Variants in ERICH1 observed in about 807,000 individuals in gnomAD.
ERICH1 encodes the protein glutamate-rich protein 1.
A neutral mutation model predicts 39.6 loss-of-function variants in ERICH1; 56 were observed. The ratio of observed to expected loss-of-function variants is 1.41; its 90% CI spans 1.14 to 1.77. The LOEUF is 1.77. Among genes scored for constraint, ERICH1 ranks in the 40% most tolerant of loss-of-function variants. The pLI, the probability that ERICH1 is intolerant of heterozygous loss-of-function variation, is 0.00. For missense variants in ERICH1, 826 were observed against 575.4 expected (o/e 1.44, Z -4.45); for synonymous variants, 313 against 223.6 (o/e 1.40, Z -3.57).
chr8:622,956 C>CAATAAATAAATAAATA (rs71202635), intron 3 of ERICH1, among the ~76,000 whole-genome samples: 18,093 of 143,632 alleles, frequency 0.13, 1,514 homozygotes, highest in East Asian at 0.41. Flanking sequence ...GATCCGCTCT[C>CAATAAATAAATAAATA]AATAAATAAA....
At chr8:663,084 G>A (rs569953884), downstream of ERICH1, among the ~76,000 whole-genome samples, 10 of 152,346 alleles carry the variant, frequency 6.6e-5, no homozygotes, top group East Asian at 1.5e-3. Flanking sequence ...GCATCAAGAC[G>A]GGGACACTGC....
chr8:678,836 TTACA>T (rs1300599446), intron 3 of ERICH1, among the ~76,000 whole-genome samples: 1 of 152,194 alleles, frequency 6.6e-6, no homozygotes, highest in East Asian at 1.9e-4. Flanking sequence ...AACACATGTC[TTACA>T]TACCCGTTTC....
intron 3 of ERICH1, among the ~76,000 whole-genome samples, chr8:636,087 G>C (rs527413151): frequency 6.6e-6 from 1 of 152,378 alleles, no homozygotes; most frequent in East Asian, 1.9e-4. Context: ...CTGGGATCCT[G>C]TTAATAGCAT....
chr8:686,532 CCA>C (rs1267633604), intron 3 of ERICH1: 1 of 152,216 alleles, frequency 6.6e-6, no homozygotes, highest in Non-Finnish European at 1.5e-5. Context: ...CACCCGGCAC[CCA>C]CAGTCTTTAA....
intron 2 of ERICH1, among the ~76,000 whole-genome samples, chr8:697,543 GCCTC>G (rs1299230323): frequency 6.6e-6 from 1 of 152,164 alleles, no homozygotes; most frequent in African/African-American, 2.4e-5. Flanking sequence ...CCCTCCTCCT[GCCTC>G]CCTGTCAAAT....
intron 3 of ERICH1, among the ~76,000 whole-genome samples, chr8:638,953 G>A (rs148983330): frequency 6.6e-6 from 1 of 152,024 alleles, no homozygotes; most frequent in Non-Finnish European, 1.5e-5. Flanking sequence ...ACCCATAAAC[G>A]CCTATCTTTC....
Position 668,786 on chromosome 8 carries a change from G to C in ERICH1, c.1070C>G (p.Ser357Cys). ...GAGGGCAGCTGAAGCTGCATCTCTG[G>C]AGACACCTACATAAAGTCAGTTTTG... ...TQEMYFYDGV[S>C]RDAASAALAD... The change falls in exon 5 of 6, where the codon TCC becomes TGC. Residue 357 changes from serine to cysteine, a missense_variant. Transcript: ENST00000262109. The C allele has an allele frequency of 1.2e-6, 2 of 1,603,618 alleles. No homozygotes were observed. The highest frequency in any genetic ancestry group is 1.7e-6 in the Non-Finnish European group (2 of 1,175,044).
chr8:653,429 T>A (rs1251577078), intron 3 of ERICH1, among the ~76,000 whole-genome samples: 2 of 152,268 alleles, frequency 1.3e-5, no homozygotes, highest in East Asian at 1.9e-4. Context: ...GACTGCCGAG[T>A]GTTCAAACTG....
chr8:660,557 G>T (rs1563199755), downstream of ERICH1, among the ~76,000 whole-genome samples: 1 of 152,218 alleles, frequency 6.6e-6, no homozygotes, highest in South Asian at 2.1e-4. Context: ...TCCCAGCCCG[G>T]GCTGTACTGA....
chr8:671,947 C>G (rs1350316808), intron 4 of ERICH1: 2 of 158,860 alleles, frequency 1.3e-5, no homozygotes, highest in African/African-American at 4.8e-5. Context: ...GTTTCTCAAC[C>G]TGTGAGGCTG....
intron 3 of ERICH1, among the ~76,000 whole-genome samples, chr8:655,284 G>A (rs756963854): frequency 2.6e-5 from 4 of 152,180 alleles, no homozygotes; most frequent in Non-Finnish European, 4.4e-5. Context: ...TCACTCTTAC[G>A]CTCAGACGCC....
intron 3 of ERICH1, among the ~76,000 whole-genome samples, chr8:618,898 G>C (rs1487525326): frequency 6.6e-6 from 1 of 152,090 alleles, no homozygotes; most frequent in Non-Finnish European, 1.5e-5. Context: ...CTTGGGAGTG[G>C]TGGACTCCTC....
At chr8:683,490 T>A (rs556630123) in intron 3 of ERICH1, among the ~76,000 whole-genome samples, 1 of 152,198 alleles carries the variant, frequency 6.6e-6, no homozygotes, top group Admixed American at 6.5e-5. Context: ...CCTGTCACTT[T>A]AAAAAAATGG....
intron 3 of ERICH1, among the ~76,000 whole-genome samples, chr8:635,020 G>A (rs931741692): frequency 6.6e-6 from 1 of 152,018 alleles, no homozygotes; most frequent in Admixed American, 6.5e-5. Context: ...GGCCACCCGT[G>A]GCTTCAGACC....
At chr8:668,343 G>C in intron 5 of ERICH1, 1 of 530,564 alleles carries the variant, frequency 1.9e-6, no homozygotes, top group Non-Finnish European at 3.4e-6. Context: ...GGAAAATTTG[G>C]CTCCAAGAGT....
chr8:634,335 C>T (rs571517868), intron 3 of ERICH1, among the ~76,000 whole-genome samples: 1 of 152,152 alleles, frequency 6.6e-6, no homozygotes, highest in African/African-American at 2.4e-5. Flanking sequence ...ACAAAGGCAA[C>T]GAGCGAGCGT....
At chr8:678,853 G>C (rs1805450505) in intron 3 of ERICH1, among the ~76,000 whole-genome samples, 1 of 152,168 alleles carries the variant, frequency 6.6e-6, no homozygotes, top group Admixed American at 6.5e-5. Context: ...CCCGTTTCCA[G>C]ATAGCAGAAA....
intron 3 of ERICH1, among the ~76,000 whole-genome samples, chr8:679,656 A>C (rs1334148830): frequency 1.3e-5 from 2 of 152,234 alleles, no homozygotes; most frequent in African/African-American, 4.8e-5. Flanking sequence ...AAGAAATCTA[A>C]ATCGGATACC....
chr8:681,126 G>C (rs1806025139), intron 3 of ERICH1, among the ~76,000 whole-genome samples: 1 of 152,182 alleles, frequency 6.6e-6, no homozygotes, highest in Non-Finnish European at 1.5e-5. Context: ...GCACCAGCTT[G>C]TGGCCTCTGC....
Sources: gnomAD v4.1 joint callset for allele counts (sites outside exome capture counted in the v4.1 genomes callset) on GRCh38, gnomAD v4.1.1 for gene constraint, MANE v1.5 for transcripts, NCBI Gene and HGNC (gene_info 2026-07-23, HGNC 2026-07-21) for gene names.